ARHGAP15: variants seen among roughly 807,000 people sequenced by gnomAD.
ARHGAP15 encodes Rho GTPase activating protein 15.
ARHGAP15 carries 51 observed loss-of-function variants against 63.7 expected under a neutral mutation model. That is an observed-to-expected ratio of 0.80 (90% CI 0.64 to 1.01). ARHGAP15 has a LOEUF of 1.01. ARHGAP15 is among the 50% of genes least tolerant of loss of function. The pLI is 0.00. For missense variants in ARHGAP15, 560 were observed against 564.6 expected, an observed-to-expected ratio of 0.99 and a Z score of 0.08; for synonymous variants, 191 against 193.8, an observed-to-expected ratio of 0.99 and a Z score of 0.12.
At chr2:143,193,086 A>G (rs896613539) in intron 2 of ARHGAP15, among the ~76,000 whole-genome samples, 4 of 152,230 alleles carry the variant, frequency 2.6e-5, no homozygotes, top group African/African-American at 4.8e-5. Context: ...ACAAGGCCAC[A>G]TGTGTCCACA....
At chr2:143,388,385 T>C (rs752200430) in intron 6 of ARHGAP15, among the ~76,000 whole-genome samples, 1 of 152,214 alleles carries the variant, frequency 6.6e-6, no homozygotes, top group Non-Finnish European at 1.5e-5. Context: ...AGAAGGATTC[T>C]GTACTTGGTT....
At chr2:143,327,758 T>G (rs1574281169) in intron 6 of ARHGAP15, among the ~76,000 whole-genome samples, 1 of 152,024 alleles carries the variant, frequency 6.6e-6, no homozygotes, top group Admixed American at 6.6e-5. Context: ...TTCACAAATG[T>G]GATCTAATTA....
rs536459662 is a variant in ARHGAP15 at position 143,378,178 on chromosome 2, G to A, written c.475-57423G>A. Reference sequence around the variant, plus strand: ...GCAAAGCAGGTGATCTAGTAATAGTGGCTAATGTGATTAGCACTTGTGAAA... The same window carrying A: ...GCAAAGCAGGTGATCTAGTAATAGTAGCTAATGTGATTAGCACTTGTGAAA... On this transcript the variant is annotated intron_variant, in intron 6 of 13. Coordinates refer to ENST00000295095, the MANE Select transcript of ARHGAP15 (RefSeq NM_018460.4). Among the ~76,000 whole-genome samples, 14 of 152,042 alleles carry A rather than the reference G, an allele frequency of 9.2e-5. No individual in the cohort carries two copies. The East Asian group carries it at 2.7e-3, about 29-fold the overall frequency.
At chr2:143,262,374 C>T (rs529212343) in intron 6 of ARHGAP15, among the ~76,000 whole-genome samples, 3 of 152,206 alleles carry the variant, frequency 2.0e-5, no homozygotes, top group Admixed American at 6.5e-5. Flanking sequence ...AAAAGCTCCA[C>T]TCCTCCACTG....
At chr2:143,376,186 C>A (rs1341089136) in intron 6 of ARHGAP15, among the ~76,000 whole-genome samples, 1 of 152,034 alleles carries the variant, frequency 6.6e-6, no homozygotes, top group East Asian at 1.9e-4. Flanking sequence ...ATGAACTAAG[C>A]CATTTTAAGA....
At chr2:143,639,009 C>A (rs1218135544) in intron 12 of ARHGAP15, among the ~76,000 whole-genome samples, 1 of 152,002 alleles carries the variant, frequency 6.6e-6, no homozygotes, top group Non-Finnish European at 1.5e-5. Flanking sequence ...TATTAAGTAG[C>A]CTTCCTAAGG....
In ARHGAP15 at chr2:143,155,186, T is replaced by G. The variant is rs187935127; in HGVS notation, c.-14-291T>G. Among the ~76,000 whole-genome samples, 16 of 152,038 alleles carry G rather than the reference T, an allele frequency of 1.1e-4. No individual in the cohort carries two copies. The East Asian group carries it at 3.1e-3, about 30-fold the overall frequency. On this transcript the variant is annotated intron_variant, in intron 1 of 13. Transcript: ENST00000295095. ...AACACCATTTCTATATAAGGAAAACTGTATCTCATTACTGTTAGGAGTTTG... is the reference window on the plus strand; with the variant it reads ...AACACCATTTCTATATAAGGAAAACGGTATCTCATTACTGTTAGGAGTTTG...
At chr2:143,411,017 C>A (rs1384185975) in intron 6 of ARHGAP15, among the ~76,000 whole-genome samples, 2 of 151,782 alleles carry the variant, frequency 1.3e-5, no homozygotes, top group African/African-American at 2.4e-5. Context: ...CCAGCCTGAC[C>A]AACATGGAAA....
At position 143,184,347 on chromosome 2, in the gene ARHGAP15, AC is replaced by A. The variant is rs576658223; in HGVS notation, c.166-17786del. Among the ~76,000 whole-genome samples the A allele has an allele frequency of 9.3e-4, 142 of 152,348 alleles. 1 individual carries two copies. Among genetic ancestry groups the A allele is most frequent in the African/African-American group, 3.3e-3 (139 of 41,592 alleles). On this transcript the variant is annotated intron_variant, in intron 2 of 13. Coordinates refer to ENST00000295095, the MANE Select transcript of ARHGAP15 (RefSeq NM_018460.4). ...AGTGGTATTGCCATCTAGCTAGCTT[AC>A]TTAGGAATTATTTCTGATGACTTTA...
rs375498759 is a variant in ARHGAP15, at chr2:143,582,799, TTC to T, written c.1003+26317_1003+26318del. On this transcript the variant is annotated intron_variant, in intron 11 of 13. Coordinates refer to ENST00000295095, the MANE Select transcript of ARHGAP15 (RefSeq NM_018460.4). ...CTTCTTTTAAAGTCATATAAAACACTTCTCATACCAGCTTGCCAATGGGTGAG... is the reference window on the plus strand; with the variant it reads ...CTTCTTTTAAAGTCATATAAAACACTTCATACCAGCTTGCCAATGGGTGAG... Among the ~76,000 whole-genome samples, 41 of 152,338 alleles carry T rather than the reference TTC, an allele frequency of 2.7e-4. No individual in the cohort carries two copies. The East Asian group carries it at 6.5e-3, about 24-fold the overall frequency.
At chr2:143,511,506 G>A (rs949645677) in intron 9 of ARHGAP15, among the ~76,000 whole-genome samples, 6 of 152,152 alleles carry the variant, frequency 3.9e-5, no homozygotes, top group African/African-American at 1.4e-4. Context: ...AGGATTACCA[G>A]TAAGCACACA....
intron 1 of ARHGAP15, among the ~76,000 whole-genome samples, chr2:143,145,687 T>C (rs189130622): frequency 4.2e-4 from 64 of 152,092 alleles, no homozygotes; most frequent in African/African-American, 1.5e-3. Context: ...ATCTATGTAA[T>C]TGCTTGACAC....
chr2:143,273,879 T>C (rs897008941), intron 6 of ARHGAP15, among the ~76,000 whole-genome samples: 1 of 152,298 alleles, frequency 6.6e-6, no homozygotes, highest in African/African-American at 2.4e-5. Context: ...GAACATAGTC[T>C]GGCTCATGGA....
intron 12 of ARHGAP15, among the ~76,000 whole-genome samples, chr2:143,685,356 T>C (rs183040346): frequency 5.8e-4 from 88 of 152,302 alleles, no homozygotes; most frequent in African/African-American, 2.1e-3. Context: ...TCTGTAAGAA[T>C]TTGGTAGGGC....
At chr2:143,420,281 TG>T (rs1296755672) in intron 6 of ARHGAP15, among the ~76,000 whole-genome samples, 1 of 152,018 alleles carries the variant, frequency 6.6e-6, no homozygotes, top group Non-Finnish European at 1.5e-5. Context: ...AATAATGACA[TG>T]GGGAAAGAAA....
intron 6 of ARHGAP15, among the ~76,000 whole-genome samples, chr2:143,340,152 T>A (rs1684994213): frequency 6.6e-6 from 1 of 152,194 alleles, no homozygotes; most frequent in Non-Finnish European, 1.5e-5. Context: ...ATTTTGTCGT[T>A]TGGGCAGATA....
At position 143,215,627 on chromosome 2, in the gene ARHGAP15, G is replaced by T. The variant is rs578087435; in HGVS notation, c.235-757G>T. Among the ~76,000 whole-genome samples the T allele has an allele frequency of 9.2e-5, 14 of 152,278 alleles. 1 individual carries two copies. The South Asian group carries it at 1.9e-3, about 20-fold the overall frequency. ...GATGGGGCATGTGAGGCAGACACAG[G>T]AGGGTAGAAATAGGATGCTAAGAAA... On this transcript the variant is annotated intron_variant, in intron 3 of 13. Coordinates refer to ENST00000295095, the MANE Select transcript of ARHGAP15 (RefSeq NM_018460.4).
intron 2 of ARHGAP15, among the ~76,000 whole-genome samples, chr2:143,176,046 A>G (rs1160361060): frequency 6.6e-6 from 1 of 152,216 alleles, no homozygotes; most frequent in Non-Finnish European, 1.5e-5. Flanking sequence ...TTTCAAGGGA[A>G]TCATTCCACG....
At chr2:143,451,330 T>G (rs1055621913) in intron 8 of ARHGAP15, among the ~76,000 whole-genome samples, 4 of 151,894 alleles carry the variant, frequency 2.6e-5, no homozygotes, top group African/African-American at 9.7e-5. Flanking sequence ...ATACTGATTA[T>G]TTTTCCCCAG....
Sources: gnomAD v4.1 joint callset for allele counts (sites outside exome capture counted in the v4.1 genomes callset) on GRCh38, gnomAD v4.1.1 for gene constraint, MANE v1.5 for transcripts, NCBI Gene and HGNC (gene_info 2026-07-23, HGNC 2026-07-21) for gene names.